The following PDE8B variants were observed in gnomAD, a reference collection of about 807,000 sequenced individuals.
PDE8B encodes phosphodiesterase 8B, also known as high affinity cAMP-specific and IBMX-insensitive 3',5'-cyclic phosphodiesterase 8B.
Under a neutral mutation model 101.3 loss-of-function variants are expected in PDE8B, and 26 were observed. The observed-to-expected ratio is 0.26, with a 90% confidence interval of 0.19 to 0.36. The LOEUF (loss-of-function observed/expected upper bound fraction) is 0.36. Among genes scored for constraint, PDE8B ranks in the 10% least tolerant of loss-of-function variants. The pLI is 1.00. For synonymous variants in PDE8B, 424 were observed against 429.3 expected (o/e 0.99, Z 0.15); for missense variants, 810 against 1,163.1 (o/e 0.70, Z 4.42).
At chr5:77,100,152 C>T in the PDE8B span, 1 of 152,218 alleles carries the variant, frequency 6.6e-6, no homozygotes, top group Non-Finnish European at 1.5e-5. Context: ...TAAACTACTA[C>T]TACTACTGCC....
At chr5:77,412,446 G>C (rs1794750540) in intron 16 of PDE8B, among the ~76,000 whole-genome samples, 1 of 152,152 alleles carries the variant, frequency 6.6e-6, no homozygotes, top group Non-Finnish European at 1.5e-5. Flanking sequence ...TGTGGGATCT[G>C]CCTGGGTATC....
intron 10 of PDE8B, among the ~76,000 whole-genome samples, chr5:77,366,239 T>TA (rs889038016): frequency 5.9e-5 from 9 of 151,878 alleles, no homozygotes; most frequent in South Asian, 2.1e-4. Context: ...TGGTTTTTTT[T>TA]AAAAAAAATC....
At chr5:77,225,677 A>T (rs2149456639) in intron 1 of PDE8B, among the ~76,000 whole-genome samples, 1 of 152,318 alleles carries the variant, frequency 6.6e-6, no homozygotes, top group South Asian at 2.1e-4. Flanking sequence ...CTTTTGAAAG[A>T]TAAAAATGTA....
chr5:77,136,775 C>T, the PDE8B span, among the ~76,000 whole-genome samples: 1 of 152,184 alleles, frequency 6.6e-6, no homozygotes, highest in Non-Finnish European at 1.5e-5. Context: ...ATGAGGAGAA[C>T]ATTTGCATCA....
intron 13 of PDE8B, among the ~76,000 whole-genome samples, chr5:77,408,333 G>T (rs1793899205): frequency 6.6e-6 from 1 of 152,154 alleles, no homozygotes; most frequent in Admixed American, 6.5e-5. Context: ...GCTTTCTTTT[G>T]CAGTGTAGAA....
chr5:77,110,744 C>A, the PDE8B span, among the ~76,000 whole-genome samples: 1 of 152,162 alleles, frequency 6.6e-6, no homozygotes, highest in Admixed American at 6.5e-5. Context: ...TACCCAATTG[C>A]CTTTGAATCA....
chr5:77,414,942 A>G (rs1202983380), intron 17 of PDE8B, among the ~76,000 whole-genome samples: 4 of 152,222 alleles, frequency 2.6e-5, no homozygotes, highest in African/African-American at 9.6e-5. Context: ...ACTTGATCAT[A>G]TCTTACTATC....
At chr5:77,112,592 C>T in the PDE8B span, 2 of 152,180 alleles carry the variant, frequency 1.3e-5, no homozygotes, top group Non-Finnish European at 2.9e-5. Context: ...AAACTGGAAG[C>T]ATTCTCTTTG....
At chr5:77,110,413 G>A in the PDE8B span, among the ~76,000 whole-genome samples, 1 of 152,138 alleles carries the variant, frequency 6.6e-6, no homozygotes, top group African/African-American at 2.4e-5. Flanking sequence ...TGAATGAAAG[G>A]TTAGGAAAAC....
the PDE8B span, among the ~76,000 whole-genome samples, chr5:77,133,257 T>C: frequency 6.6e-6 from 1 of 152,198 alleles, no homozygotes; most frequent in African/African-American, 2.4e-5. Flanking sequence ...CCACTGGTTC[T>C]AGAAGGAGGA....
chr5:77,285,880 A>G (rs936879671), intron 1 of PDE8B, among the ~76,000 whole-genome samples: 2 of 152,194 alleles, frequency 1.3e-5, no homozygotes, highest in African/African-American at 4.8e-5. Flanking sequence ...TTAATCCCAT[A>G]CAGTGAATAT....
intron 1 of PDE8B, among the ~76,000 whole-genome samples, chr5:77,217,496 C>G (rs1750043933): frequency 6.6e-6 from 1 of 151,970 alleles, no homozygotes; most frequent in Admixed American, 6.5e-5. Context: ...TACCTTTACC[C>G]TACAGTGGAA....
intron 1 of PDE8B, among the ~76,000 whole-genome samples, chr5:77,279,491 CT>C (rs1434221963): frequency 6.6e-6 from 1 of 152,210 alleles, no homozygotes; most frequent in Non-Finnish European, 1.5e-5. Flanking sequence ...TTCCTTCACC[CT>C]TTAGCTGTGG....
chr5:77,291,195 G>A lies in PDE8B; in HGVS notation c.340-20799G>A, dbSNP rs878957080. ...GTGTACCACTGCGAGGCGACTGTTT[G>A]TACATGAAAGCATCCATCATGAGGT... On this transcript the variant is annotated intron_variant, in intron 1 of 21. Transcript: ENST00000264917. 4 of 1,610,616 alleles carry A rather than the reference G, an allele frequency of 2.5e-6. No individual in the cohort carries two copies. The Admixed American group carries it at 5.0e-5, about 20-fold the overall frequency.
chr5:77,310,790 G>A (rs1203640595), intron 1 of PDE8B, among the ~76,000 whole-genome samples: 2 of 152,130 alleles, frequency 1.3e-5, no homozygotes, highest in Non-Finnish European at 2.9e-5. Context: ...CCCTGCATGA[G>A]TTCTTTACAC....
chr5:77,112,075 A>G, the PDE8B span: 1 of 152,204 alleles, frequency 6.6e-6, no homozygotes, highest in Non-Finnish European at 1.5e-5. Context: ...TATAAAAATG[A>G]TACTTCACAT....
intron 6 of PDE8B, among the ~76,000 whole-genome samples, chr5:77,343,411 C>T (rs1401144483): frequency 6.6e-6 from 1 of 152,190 alleles, no homozygotes; most frequent in Non-Finnish European, 1.5e-5. Context: ...ACCTGTAGAG[C>T]ATGTTACTGT....
chr5:77,312,074 C>T, intron 2 of PDE8B, 21 bp downstream of exon 2: 1 of 1,569,680 alleles, frequency 6.4e-7, no homozygotes, highest in Non-Finnish European at 8.8e-7. Flanking sequence ...TTTACTCAGC[C>T]CTGTGACTCA....
At chr5:77,308,352 G>C (rs1771743075) in intron 1 of PDE8B, among the ~76,000 whole-genome samples, 1 of 152,228 alleles carries the variant, frequency 6.6e-6, no homozygotes, top group African/African-American at 2.4e-5. Context: ...CGGTAGTGCA[G>C]GTAGAGTGAC....
Sources: gnomAD v4.1 joint callset for allele counts (sites outside exome capture counted in the v4.1 genomes callset) on GRCh38, gnomAD v4.1.1 for gene constraint, MANE v1.5 for transcripts, NCBI Gene and HGNC (gene_info 2026-07-23, HGNC 2026-07-21) for gene names.